AK8: variants seen among roughly 807,000 people sequenced by gnomAD.
The protein encoded by AK8 is ATP-AMP transphosphorylase 8.
Under a neutral mutation model 54.6 loss-of-function variants are expected in AK8, and 44 were observed. The ratio of observed to expected loss-of-function variants is 0.81; its 90% CI spans 0.63 to 1.04. The LOEUF (loss-of-function observed/expected upper bound fraction) is 1.04, where lower values mean the gene tolerates loss of function less well. Ranked by LOEUF, AK8 falls within the 50% of genes least tolerant of loss-of-function variation. AK8 has a pLI of 0.00. For missense variants in AK8, 555 were observed against 613.6 expected, an observed-to-expected ratio of 0.90 and a Z score of 1.01; for synonymous variants, 239 against 245.6, an observed-to-expected ratio of 0.97 and a Z score of 0.25.
intron 11 of AK8, among the ~76,000 whole-genome samples, chr9:132,776,915 AC>A (rs1324031731): frequency 3.3e-5 from 5 of 152,198 alleles, no homozygotes; most frequent in Admixed American, 3.3e-4. Flanking sequence ...GTTCTAGACA[AC>A]CTGGGACAGC....
chr9:132,747,688 C>G (rs1837719440), intron 11 of AK8, among the ~76,000 whole-genome samples: 1 of 150,954 alleles, frequency 6.6e-6, no homozygotes. Flanking sequence ...GCCTCGGCCT[C>G]CCAAAGTGCT....
At chr9:132,872,638 A>T (rs1159553890) in intron 2 of AK8, among the ~76,000 whole-genome samples, 1 of 146,092 alleles carries the variant, frequency 6.8e-6, no homozygotes, top group Non-Finnish European at 1.5e-5. Flanking sequence ...TTTCAAGCAC[A>T]TTTTTTTTTT....
In AK8 at chr9:132,874,083, G is replaced by A. The variant is rs560587309; in HGVS notation, c.169+1032C>T. Among the ~76,000 whole-genome samples, 12 of 152,284 alleles carry A rather than the reference G, an allele frequency of 7.9e-5. No homozygotes were observed. The East Asian group carries it at 9.7e-4, about 12-fold the overall frequency. ...CATATAGGACGCTCAGTCAACATCC[G>A]CTGAACAAGGGAATGTCTAGTGAAT... On this transcript the variant is annotated intron_variant, in intron 2 of 12. Coordinates refer to ENST00000298545, the MANE Select transcript of AK8 (RefSeq NM_152572.3).
intron 5 of AK8, among the ~76,000 whole-genome samples, chr9:132,848,109 C>A (rs1167998141): frequency 1.9e-5 from 1 of 52,312 alleles, no homozygotes; most frequent in African/African-American, 4.7e-5. Flanking sequence ...GAGCAACACC[C>A]TGTTTCAAAA....
At chr9:132,853,654 C>T (rs1843055964) in intron 5 of AK8, among the ~76,000 whole-genome samples, 1 of 151,634 alleles carries the variant, frequency 6.6e-6, no homozygotes, top group Non-Finnish European at 1.5e-5. Context: ...GGCATGGTGG[C>T]ACACACCTGC....
At chr9:132,833,095 G>A (rs1398867491) in intron 5 of AK8, among the ~76,000 whole-genome samples, 1 of 152,236 alleles carries the variant, frequency 6.6e-6, no homozygotes, top group Non-Finnish European at 1.5e-5. Flanking sequence ...GGTCCACACT[G>A]GTCCACCTGG....
intron 4 of AK8, 121 bp from the exon 5 acceptor site, chr9:132,855,046 C>A: frequency 1.1e-6 from 1 of 936,738 alleles, no homozygotes. Context: ...CACCATCGGG[C>A]CCCGCCCTTC....
At chr9:132,785,964 G>C (rs980802689) in intron 11 of AK8, among the ~76,000 whole-genome samples, 3 of 152,214 alleles carry the variant, frequency 2.0e-5, no homozygotes, top group Admixed American at 6.5e-5. Flanking sequence ...CGATAGGAAA[G>C]GCACTTTGAA....
At chr9:132,732,569 C>T (rs1836894991) in intron 11 of AK8, among the ~76,000 whole-genome samples, 1 of 152,124 alleles carries the variant, frequency 6.6e-6, no homozygotes, top group Non-Finnish European at 1.5e-5. Flanking sequence ...TGAGAAGCCA[C>T]CCCAGGGCTT....
chr9:132,828,550 C>A, intron 6 of AK8, 95 bp downstream of exon 6: 1 of 1,116,978 alleles, frequency 9.0e-7, no homozygotes. Flanking sequence ...GGTGCCTGGG[C>A]TGAGGTCAGG....
At chr9:132,792,565 C>T (rs865973342) in intron 11 of AK8, 69 bp downstream of exon 11, 1 of 1,503,712 alleles carries the variant, frequency 6.7e-7, no homozygotes, top group Non-Finnish European at 8.9e-7. Context: ...TGGACCCCTT[C>T]AGCTGAGCCC....
intron 11 of AK8, among the ~76,000 whole-genome samples, chr9:132,762,033 C>A (rs1363076227): frequency 1.3e-5 from 2 of 152,116 alleles, no homozygotes; most frequent in Admixed American, 6.5e-5. Context: ...CCATACCTGG[C>A]TAATTTTTGT....
intron 10 of AK8, among the ~76,000 whole-genome samples, chr9:132,809,631 G>A (rs940091377): frequency 3.9e-5 from 6 of 152,294 alleles, no homozygotes; most frequent in East Asian, 3.9e-4. Flanking sequence ...CAAAGGGCAC[G>A]TTAAGCCCAA....
At chr9:132,870,422 T>C (rs1278037145) in intron 2 of AK8, among the ~76,000 whole-genome samples, 1 of 152,246 alleles carries the variant, frequency 6.6e-6, no homozygotes, top group Non-Finnish European at 1.5e-5. Flanking sequence ...CAGATCCTTT[T>C]GAGGTTTAAC....
intron 11 of AK8, among the ~76,000 whole-genome samples, chr9:132,757,932 A>G (rs1381794982): frequency 6.6e-6 from 1 of 152,234 alleles, no homozygotes; most frequent in Non-Finnish European, 1.5e-5. Flanking sequence ...GAGGAGGGCA[A>G]TTCCACTGAA....
In AK8 at chr9:132,779,911, C is replaced by T. The variant is rs115777475; in HGVS notation, c.1121+12723G>A. 9.9e-3 allele frequency among the ~76,000 whole-genome samples: 1,508 copies of T among 152,326 alleles called. 31 individuals carry two copies. The highest frequency in any genetic ancestry group is 0.034 in the African/African-American group (1,428 of 41,560). ...TGGAGCAAGGACATGGCTTCTCTAACGCTGACTGCCTTTTACCTGAGCAAA... is the reference window on the plus strand; with the variant it reads ...TGGAGCAAGGACATGGCTTCTCTAATGCTGACTGCCTTTTACCTGAGCAAA... On this transcript the variant is annotated intron_variant, in intron 11 of 12. Transcript: ENST00000298545.
chr9:132,816,046 T>C (rs2131265842), intron 9 of AK8, among the ~76,000 whole-genome samples: 1 of 152,222 alleles, frequency 6.6e-6, no homozygotes, highest in African/African-American at 2.4e-5. Flanking sequence ...GCAAAGGACA[T>C]ATAAGTGAGA....
chr9:132,808,433 A>G (rs1840828081), intron 10 of AK8, among the ~76,000 whole-genome samples: 1 of 152,206 alleles, frequency 6.6e-6, no homozygotes. Context: ...AAGGGACTGA[A>G]GATGCGCTAA....
At chr9:132,733,445 G>A (rs1169553805) in intron 11 of AK8, among the ~76,000 whole-genome samples, 1 of 152,214 alleles carries the variant, frequency 6.6e-6, no homozygotes, top group African/African-American at 2.4e-5. Context: ...AATTGAAGCT[G>A]CTTCATAAAC....
Sources: gnomAD v4.1 joint callset for allele counts (sites outside exome capture counted in the v4.1 genomes callset) on GRCh38, gnomAD v4.1.1 for gene constraint, MANE v1.5 for transcripts, NCBI Gene and HGNC (gene_info 2026-07-23, HGNC 2026-07-21) for gene names.